The following PRDX6 variants were observed in gnomAD, a reference collection of about 807,000 sequenced individuals.
The protein encoded by PRDX6 is peroxiredoxin-6.
In PRDX6, 13 loss-of-function variants were observed where a neutral mutation model predicts 20.0. The observed-to-expected ratio is 0.65, with a 90% CI of 0.42 to 1.03. PRDX6 has a LOEUF of 1.03. Ranked by LOEUF, PRDX6 falls within the 50% of genes least tolerant of loss-of-function variation. PRDX6 has a pLI of 0.00. For missense variants in PRDX6, 203 were observed against 276.9 expected (o/e 0.73, Z 1.89); for synonymous variants, 85 against 100.8 (o/e 0.84, Z 0.94).
intron 1 of PRDX6, among the ~76,000 whole-genome samples, chr1:173,480,769 C>T (rs921640594): frequency 3.3e-5 from 5 of 152,182 alleles, no homozygotes; most frequent in Admixed American, 2.0e-4. Flanking sequence ...TTTATATCCA[C>T]TTGCTTCAGA....
chr1:173,485,340 C>T, intron 2 of PRDX6, 21 bp from the exon 3 acceptor site: 1 of 1,552,362 alleles, frequency 6.4e-7, no homozygotes, highest in Non-Finnish European at 8.8e-7. Flanking sequence ...ATTCCTCTTT[C>T]CCCTTTTACT....
At chr1:173,483,560 A>C (rs1658840919) in intron 2 of PRDX6, among the ~76,000 whole-genome samples, 1 of 152,050 alleles carries the variant, frequency 6.6e-6, no homozygotes, top group Non-Finnish European at 1.5e-5. Flanking sequence ...AAAATAAATA[A>C]ATAAAAAGAA....
chr1:173,485,544 T>C, intron 3 of PRDX6, 37 bp downstream of exon 3: 2 of 1,529,898 alleles, frequency 1.3e-6, no homozygotes, highest in South Asian at 1.2e-5. Context: ...TTAGCTTAAC[T>C]GATCAGGCTG....
chr1:173,485,655 T>C (rs1482039392), intron 3 of PRDX6, 148 bp downstream of exon 3: 2 of 762,806 alleles, frequency 2.6e-6, no homozygotes, highest in East Asian at 3.1e-5. Flanking sequence ...TTATCTGTAA[T>C]GCTGATGCAA....
At chr1:173,484,166 ATT>A (rs59711780) in intron 2 of PRDX6, among the ~76,000 whole-genome samples, 5 of 107,726 alleles carry the variant, frequency 4.6e-5, no homozygotes, top group East Asian at 6.0e-4. Context: ...ATATATATAT[ATT>A]TATATATATA....
At chr1:173,482,770 G>A (rs1658826002) in intron 2 of PRDX6, among the ~76,000 whole-genome samples, 1 of 152,102 alleles carries the variant, frequency 6.6e-6, no homozygotes, top group African/African-American at 2.4e-5. Context: ...ATCATGTGTA[G>A]GAGAAAAAAG....
intron 2 of PRDX6, among the ~76,000 whole-genome samples, chr1:173,483,332 C>T (rs1658834396): frequency 6.6e-6 from 1 of 152,208 alleles, no homozygotes; most frequent in African/African-American, 2.4e-5. Flanking sequence ...TAATCTGCCT[C>T]TAGCATGAGA....
intron 2 of PRDX6, among the ~76,000 whole-genome samples, chr1:173,485,139 T>C (rs1658875146): frequency 2.0e-5 from 3 of 152,216 alleles, no homozygotes; most frequent in African/African-American, 4.8e-5. Flanking sequence ...AAAACAGCTT[T>C]GGTCCATGAT....
chr1:173,483,003 T>C (rs9425725), intron 2 of PRDX6, among the ~76,000 whole-genome samples: 8,589 of 152,260 alleles, frequency 0.056, 841 homozygotes, highest in African/African-American at 0.2. Context: ...AAGAGTAGGA[T>C]TTAGCCTAAT....
At position 173,485,481 on chromosome 1, in the gene PRDX6, A is replaced by G. The variant is rs1658880689; in HGVS notation, c.373A>G (p.Lys125Glu). 1 of 1,606,466 alleles carries G rather than the reference A, an allele frequency of 6.2e-7. No individual in the cohort carries two copies. The change falls in exon 3 of 5, where the codon AAG (lysine) becomes GAG (glutamate). Residue 125 changes from lysine to glutamate, a missense_variant. Transcript: ENST00000340385. The stretch of plus-strand genomic sequence containing the variant: ...GCTGGATCCAGCAGAGAAGGATGAA[A>G]AGGGCATGCCTGTGACAGCTCGTGT... ...GMLDPAEKDE[K>E]GMPVTARVVF... is the part of the protein sequence containing the mutation.
At chr1:173,482,632 G>T (rs1172262964) in intron 2 of PRDX6, among the ~76,000 whole-genome samples, 2 of 152,170 alleles carry the variant, frequency 1.3e-5, no homozygotes, top group African/African-American at 4.8e-5. Flanking sequence ...CTTTTTGAGG[G>T]ATGTATACTA....
At chr1:173,484,164 A>ATG (rs1658856321) in intron 2 of PRDX6, among the ~76,000 whole-genome samples, 1 of 128,166 alleles carries the variant, frequency 7.8e-6, no homozygotes, top group Non-Finnish European at 1.5e-5. Flanking sequence ...ATATATATAT[A>ATG]TATTTATATA....
chr1:173,487,470 A>C (rs1658919921), intron 4 of PRDX6, among the ~76,000 whole-genome samples: 1 of 152,206 alleles, frequency 6.6e-6, no homozygotes. Context: ...CTTGCAGGCC[A>C]TGATACTCAG....
rs1658927001 is a variant in PRDX6 at position 173,487,897 on chromosome 1, G to A, written c.*34G>A. 6.2e-7 allele frequency: 1 copy of A among 1,608,932 alleles called. No homozygotes were observed. Among genetic ancestry groups the A allele is most frequent in the South Asian group, 1.1e-5 (1 of 90,624 alleles). On this transcript the variant is annotated 3_prime_UTR_variant, in exon 5 of 5. Coordinates refer to ENST00000340385, the MANE Select transcript of PRDX6 (RefSeq NM_004905.3). ...GAGAAGCTGGTGCTGTGAGCCAGAG[G>A]ATGTCAGCTGCCAATTGTGTTTTCC...
At chr1:173,484,140 AGATATAT>A (rs1557997373) in intron 2 of PRDX6, among the ~76,000 whole-genome samples, 1 of 92,510 alleles carries the variant, frequency 1.1e-5, no homozygotes. Context: ...AAAAAAAATT[AGATATAT>A]ATATTTATAT....
intron 2 of PRDX6, among the ~76,000 whole-genome samples, chr1:173,485,141 G>A (rs928821041): frequency 6.6e-6 from 1 of 152,130 alleles, no homozygotes; most frequent in Non-Finnish European, 1.5e-5. Flanking sequence ...AACAGCTTTG[G>A]TCCATGATTA....
intron 1 of PRDX6, 137 bp downstream of exon 1, chr1:173,477,629 G>T: frequency 1.4e-6 from 1 of 721,086 alleles, no homozygotes; most frequent in Admixed American, 2.8e-5. Flanking sequence ...CACTGGTTCC[G>T]GCGCGCGCCA....
At position 173,488,096 on chromosome 1, in the gene PRDX6, A is replaced by G; in HGVS notation, c.*233A>G. On this transcript the variant is annotated 3_prime_UTR_variant, in exon 5 of 5. Coordinates refer to ENST00000340385, the MANE Select transcript of PRDX6 (RefSeq NM_004905.3). ...CAGCACTCTGCTGGTTCTGTTTGAA[A>G]TATGTTCTGTATTTAAAACTCAAAT... is the stretch of plus-strand genomic sequence containing the variant. 1 of 492,402 alleles carries G rather than the reference A, an allele frequency of 2.0e-6. No homozygotes were observed. The highest frequency in any genetic ancestry group is 3.0e-5 in the South Asian group (1 of 33,176). 30.5% of individuals were successfully genotyped at this position (492,402 alleles called of 1,614,324 possible).
intron 2 of PRDX6, among the ~76,000 whole-genome samples, chr1:173,482,767 G>A (rs1216493278): frequency 2.0e-5 from 3 of 152,222 alleles, no homozygotes; most frequent in Admixed American, 2.0e-4. Flanking sequence ...AGAATCATGT[G>A]TAGGAGAAAA....
Sources: gnomAD v4.1 joint callset for allele counts (sites outside exome capture counted in the v4.1 genomes callset) on GRCh38, gnomAD v4.1.1 for gene constraint, MANE v1.5 for transcripts, NCBI Gene and HGNC (gene_info 2026-07-23, HGNC 2026-07-21) for gene names.